The following ZNF644 variants were observed in gnomAD, a reference collection of about 807,000 sequenced individuals.
ZNF644 encodes the protein zinc finger motif enhancer binding protein 2.
Under a neutral mutation model 108.0 loss-of-function variants are expected in ZNF644, and 20 were observed. That is an observed-to-expected ratio of 0.19 (90% CI 0.13 to 0.27). ZNF644 has a LOEUF of 0.27. ZNF644 is among the 10% of genes least tolerant of loss of function. The probability of loss-of-function intolerance (pLI) is 1.00; values close to 1 mark genes in which losing one functional copy is unlikely to be tolerated. For synonymous variants in ZNF644, 542 were observed against 539.1 expected (o/e 1.01, Z -0.08); for missense variants, 1,338 against 1,548.9 (o/e 0.86, Z 2.29).
intron 4 of ZNF644, among the ~76,000 whole-genome samples, chr1:90,923,452 T>C (rs1354968004): frequency 6.6e-6 from 1 of 152,186 alleles, no homozygotes; most frequent in Non-Finnish European, 1.5e-5. Flanking sequence ...TCTTTGCTCC[T>C]AGCTATACCA....
chr1:91,010,460 G>C (rs60929086), intron 1 of ZNF644, among the ~76,000 whole-genome samples: 1 of 147,534 alleles, frequency 6.8e-6, no homozygotes, highest in African/African-American at 2.5e-5. Context: ...CCATGTTGGC[G>C]AGGCTGGTCT....
In ZNF644 at chr1:91,013,480, CACAT is replaced by C. The variant is rs1553163753; in HGVS notation, c.-18+8506_-18+8509del. Among the ~76,000 whole-genome samples, 592 of 145,448 alleles carry C rather than the reference CACAT, an allele frequency of 4.1e-3. 4 individuals are homozygous for C. The highest frequency in any genetic ancestry group is 0.013 in the African/African-American group (495 of 36,934). ...ACACACACACACACACACACACACA[CACAT>C]ACACACACACACACACATATACACA... is the stretch of plus-strand genomic sequence containing the variant. On this transcript the variant is annotated intron_variant, in intron 1 of 5. Coordinates refer to ENST00000337393, the MANE Select transcript of ZNF644 (RefSeq NM_201269.3).
intron 2 of ZNF644, among the ~76,000 whole-genome samples, chr1:90,954,315 T>C (rs955657030): frequency 3.9e-5 from 6 of 152,216 alleles, no homozygotes; most frequent in African/African-American, 1.4e-4. Flanking sequence ...GTAGACTCCC[T>C]CTCAAGAAAC....
chr1:90,980,416 G>C (rs763287788), intron 2 of ZNF644, among the ~76,000 whole-genome samples: 29 of 152,168 alleles, frequency 1.9e-4, no homozygotes, highest in Non-Finnish European at 3.7e-4. Context: ...TTCTGGCATA[G>C]CTACGGTGAG....
At chr1:91,002,984 C>T (rs1659030907) in intron 1 of ZNF644, among the ~76,000 whole-genome samples, 1 of 151,940 alleles carries the variant, frequency 6.6e-6, no homozygotes, top group Non-Finnish European at 1.5e-5. Context: ...CAATGAGATA[C>T]CATCTCACAC....
At chr1:90,934,852 A>G (rs1557559619) in intron 4 of ZNF644, among the ~76,000 whole-genome samples, 1 of 152,192 alleles carries the variant, frequency 6.6e-6, no homozygotes, top group Non-Finnish European at 1.5e-5. Flanking sequence ...TCAAGTCTAC[A>G]TTTTGAAATT....
chr1:90,934,839 T>C (rs1651145072), intron 4 of ZNF644, among the ~76,000 whole-genome samples: 1 of 152,230 alleles, frequency 6.6e-6, no homozygotes, highest in Non-Finnish European at 1.5e-5. Context: ...CTTAGTTTCC[T>C]AATCAAGTCT....
chr1:90,965,844 G>A (rs983627303), intron 2 of ZNF644, among the ~76,000 whole-genome samples: 4 of 151,964 alleles, frequency 2.6e-5, no homozygotes, highest in African/African-American at 9.7e-5. Flanking sequence ...TCACCTCCTG[G>A]GTTCAAGCGA....
chr1:90,948,258 G>T (rs1030011235), intron 2 of ZNF644, among the ~76,000 whole-genome samples: 1 of 152,174 alleles, frequency 6.6e-6, no homozygotes, highest in African/African-American at 2.4e-5. Context: ...ATTTGTTGAA[G>T]AACTTAAAAG....
In ZNF644 at chr1:90,936,210, G is replaced by C. The variant is rs192072813; in HGVS notation, c.3688+1275C>G. 1.9e-3 allele frequency among the ~76,000 whole-genome samples: 289 copies of C among 152,184 alleles called. 2 individuals are homozygous for C. The highest frequency in any genetic ancestry group is 3.4e-3 in the Middle Eastern group (1 of 294). ...CAGGAAAAACATGTTCAAACAATAA[G>C]AAACTCCTAACTTCTCAGACAATCC... On this transcript the variant is annotated intron_variant, in intron 4 of 5. Transcript: ENST00000337393.
At chr1:90,967,837 G>C (rs1655073606) in intron 2 of ZNF644, among the ~76,000 whole-genome samples, 1 of 150,626 alleles carries the variant, frequency 6.6e-6, no homozygotes, top group Non-Finnish European at 1.5e-5. Context: ...CACAAGGTCA[G>C]GAGTTCGAGA....
chr1:90,947,720 A>G (rs1038797453), intron 2 of ZNF644, among the ~76,000 whole-genome samples: 2 of 152,174 alleles, frequency 1.3e-5, no homozygotes, highest in African/African-American at 4.8e-5. Flanking sequence ...GCTCCTTTAC[A>G]TATAATGGGG....
intron 5 of ZNF644, 146 bp from the exon 6 acceptor site, chr1:90,917,136 A>T: frequency 1.3e-6 from 1 of 798,326 alleles, no homozygotes; most frequent in Admixed American, 2.5e-5. Flanking sequence ...TGATTTAATA[A>T]AACATCAAAA....
intron 2 of ZNF644, among the ~76,000 whole-genome samples, chr1:90,981,298 T>G (rs1244408210): frequency 1.3e-5 from 2 of 152,204 alleles, no homozygotes; most frequent in South Asian, 4.1e-4. Flanking sequence ...TAACGATCAA[T>G]AAGGTATGAC....
intron 1 of ZNF644, among the ~76,000 whole-genome samples, chr1:91,004,384 G>A (rs1659206259): frequency 6.6e-6 from 1 of 152,172 alleles, no homozygotes; most frequent in African/African-American, 2.4e-5. Flanking sequence ...AGAAACCATG[G>A]AGGCCGGATG....
intron 4 of ZNF644, among the ~76,000 whole-genome samples, chr1:90,922,095 T>G (rs1649512638): frequency 6.6e-6 from 1 of 152,208 alleles, no homozygotes; most frequent in African/African-American, 2.4e-5. Flanking sequence ...AGTTTCATTT[T>G]CTTTTTCCTT....
At chr1:90,957,267 G>T (rs567891884) in intron 2 of ZNF644, among the ~76,000 whole-genome samples, 2 of 152,098 alleles carry the variant, frequency 1.3e-5, no homozygotes, top group Admixed American at 1.3e-4. Flanking sequence ...TGGAAGATGA[G>T]ACAACACTTC....
intron 2 of ZNF644, among the ~76,000 whole-genome samples, chr1:90,980,233 A>C (rs1327665257): frequency 6.6e-6 from 1 of 152,236 alleles, no homozygotes; most frequent in Non-Finnish European, 1.5e-5. Flanking sequence ...GGCATGGCTT[A>C]AAGGATCAGA....
At chr1:91,008,578 T>C (rs547614860) in intron 1 of ZNF644, among the ~76,000 whole-genome samples, 1 of 152,308 alleles carries the variant, frequency 6.6e-6, no homozygotes, top group African/African-American at 2.4e-5. Flanking sequence ...AAACAGTTGA[T>C]AGTTCTGCTG....
Sources: allele counts gnomAD v4.1 joint callset (sites outside exome capture counted in the v4.1 genomes callset), GRCh38; gene constraint gnomAD v4.1.1; transcripts MANE v1.5; gene names NCBI Gene and HGNC (gene_info 2026-07-23, HGNC 2026-07-21).